Variants in SNX29 observed in about 807,000 individuals in gnomAD.
SNX29 encodes the protein sorting nexin 29, also known as sorting nexin-29.
A neutral mutation model predicts 102.1 loss-of-function variants in SNX29; 78 were observed. That is an observed-to-expected ratio of 0.76 (90% confidence interval 0.64 to 0.92). The LOEUF (loss-of-function observed/expected upper bound fraction) is 0.92. SNX29 is among the 40% of genes least tolerant of loss of function. The pLI is 0.00. For missense variants in SNX29, 1,280 were observed against 1,061.7 expected, an observed-to-expected ratio of 1.21 and a Z score of -2.86; for synonymous variants, 580 against 414.5, an observed-to-expected ratio of 1.40 and a Z score of -4.85.
At chr16:12,209,887 C>T (rs948274394) in intron 14 of SNX29, among the ~76,000 whole-genome samples, 1 of 152,140 alleles carries the variant, frequency 6.6e-6, no homozygotes, top group Non-Finnish European at 1.5e-5. Flanking sequence ...AAGAGCCTGC[C>T]CATCTGACTC....
intron 18 of SNX29, among the ~76,000 whole-genome samples, chr16:12,415,880 C>G (rs2084615209): frequency 6.6e-6 from 1 of 152,122 alleles, no homozygotes; most frequent in Admixed American, 6.5e-5. Flanking sequence ...AAAGGGATGC[C>G]TCTTAAACCC....
In SNX29 at chr16:12,038,323, C is replaced by G. The variant is rs144562264; in HGVS notation, c.248-4574C>G. Among the ~76,000 whole-genome samples, 5 of 152,248 alleles carry G rather than the reference C, an allele frequency of 3.3e-5. No homozygotes were observed. The South Asian group carries it at 6.2e-4, about 19-fold the overall frequency. ...CTTGTGGTCCCCAAGTCTTGGGCAT[C>G]GGTGATAGTTAAGGCTTGATAGAAA... is the stretch of plus-strand genomic sequence containing the variant. On this transcript the variant is annotated intron_variant, in intron 4 of 20. Coordinates refer to ENST00000566228, the MANE Select transcript of SNX29 (RefSeq NM_032167.5).
intron 9 of SNX29, among the ~76,000 whole-genome samples, chr16:12,062,442 C>T (rs1157874097): frequency 2.6e-5 from 4 of 151,548 alleles, no homozygotes; most frequent in Non-Finnish European, 5.9e-5. Context: ...TATGGGTAAG[C>T]ATTTTTGCAC....
At chr16:12,428,984 A>G (rs1428692807) in intron 18 of SNX29, among the ~76,000 whole-genome samples, 8 of 152,254 alleles carry the variant, frequency 5.3e-5, no homozygotes, top group Non-Finnish European at 4.4e-5. Flanking sequence ...TGCGATTAAT[A>G]GTTCTTTCTA....
At chr16:12,543,969 T>G (rs1181765450) in intron 20 of SNX29, among the ~76,000 whole-genome samples, 1 of 152,106 alleles carries the variant, frequency 6.6e-6, no homozygotes, top group Admixed American at 6.5e-5. Context: ...CTGGGAGAAA[T>G]GGTCTCAGCC....
At chr16:12,192,766 G>A (rs964659245) in intron 13 of SNX29, among the ~76,000 whole-genome samples, 2 of 152,152 alleles carry the variant, frequency 1.3e-5, no homozygotes, top group East Asian at 3.9e-4. Context: ...TCAATGGCAC[G>A]ATCTCGGCTC....
intron 20 of SNX29, among the ~76,000 whole-genome samples, chr16:12,547,434 A>G (rs1415708684): frequency 6.6e-6 from 1 of 152,124 alleles, no homozygotes. Flanking sequence ...CACCCCGGGG[A>G]GAGGGGATGG....
At chr16:12,041,034 C>G (rs2049859825) in intron 4 of SNX29, among the ~76,000 whole-genome samples, 1 of 152,084 alleles carries the variant, frequency 6.6e-6, no homozygotes, top group South Asian at 2.1e-4. Flanking sequence ...ATGGTCATCT[C>G]TTGACCTCGT....
At chr16:12,445,567 G>T (rs1326734501) in intron 18 of SNX29, among the ~76,000 whole-genome samples, 2 of 152,336 alleles carry the variant, frequency 1.3e-5, no homozygotes, top group East Asian at 3.9e-4. Context: ...ATGAATGAAA[G>T]AATGAAATAA....
At chr16:12,412,701 A>T (rs1380636711) in intron 18 of SNX29, among the ~76,000 whole-genome samples, 4 of 152,260 alleles carry the variant, frequency 2.6e-5, no homozygotes, top group African/African-American at 9.6e-5. Context: ...TGAAAGGTAC[A>T]TTCAGAATTA....
At chr16:12,377,200 A>T (rs1486481326) in intron 16 of SNX29, among the ~76,000 whole-genome samples, 1 of 152,216 alleles carries the variant, frequency 6.6e-6, no homozygotes, top group East Asian at 1.9e-4. Flanking sequence ...CAGCTGTAAA[A>T]CAGGGTGTAG....
intron 13 of SNX29, among the ~76,000 whole-genome samples, chr16:12,177,548 C>T (rs1291191352): frequency 3.3e-5 from 5 of 152,194 alleles, no homozygotes; most frequent in African/African-American, 7.2e-5. Context: ...GTCATATTCT[C>T]TCACAGCTGC....
At chr16:12,003,137 A>G in intron 3 of SNX29, 94 bp downstream of exon 3, 1 of 1,436,690 alleles carries the variant, frequency 7.0e-7, no homozygotes, top group Non-Finnish European at 9.8e-7. Flanking sequence ...CGAGGTTGGA[A>G]AGGCGGCAGA....
intron 4 of SNX29, among the ~76,000 whole-genome samples, chr16:12,028,022 C>T (rs543353420): frequency 1.3e-5 from 2 of 152,332 alleles, no homozygotes; most frequent in East Asian, 3.9e-4. Flanking sequence ...GATGAGGAAA[C>T]TGTTCATAGT....
chr16:12,190,699 G>A (rs1315415405), intron 13 of SNX29, among the ~76,000 whole-genome samples: 1 of 152,200 alleles, frequency 6.6e-6, no homozygotes. Flanking sequence ...ATCCCAGAGT[G>A]GAGGTCTGAG....
intron 18 of SNX29, among the ~76,000 whole-genome samples, chr16:12,418,690 T>G (rs1045543696): frequency 4.6e-5 from 7 of 152,176 alleles, no homozygotes; most frequent in Non-Finnish European, 8.8e-5. Flanking sequence ...AATTTTTGTA[T>G]TTTTAGTAGA....
At chr16:12,261,416 C>T (rs2078756455) in intron 14 of SNX29, among the ~76,000 whole-genome samples, 1 of 97,220 alleles carries the variant, frequency 1.0e-5, no homozygotes, top group South Asian at 3.4e-4. Flanking sequence ...TAAGTGTTTG[C>T]TCTGAGCTCC....
chr16:12,355,598 C>G (rs1305958492), intron 15 of SNX29, among the ~76,000 whole-genome samples: 1 of 152,078 alleles, frequency 6.6e-6, no homozygotes, highest in Non-Finnish European at 1.5e-5. Flanking sequence ...CTCTAAAAGG[C>G]TTAAGTAAAT....
intron 20 of SNX29, among the ~76,000 whole-genome samples, chr16:12,541,259 G>GA (rs2077325182): frequency 6.6e-6 from 1 of 152,142 alleles, no homozygotes; most frequent in Non-Finnish European, 1.5e-5. Flanking sequence ...TCTTATCAGG[G>GA]AGAGAATGAC....
Sources: gnomAD v4.1 joint callset for allele counts (sites outside exome capture counted in the v4.1 genomes callset) on GRCh38, gnomAD v4.1.1 for gene constraint, MANE v1.5 for transcripts, NCBI Gene and HGNC (gene_info 2026-07-23, HGNC 2026-07-21) for gene names.